SLC17A8: variants seen among roughly 807,000 people sequenced by gnomAD.
SLC17A8 encodes the protein solute carrier family 17 member 8.
SLC17A8 carries 31 observed loss-of-function variants against 58.0 expected under a neutral mutation model. The ratio of observed to expected loss-of-function variants is 0.53; its 90% confidence interval spans 0.40 to 0.72. SLC17A8 has a LOEUF of 0.72. Ranked by LOEUF, SLC17A8 falls within the 30% of genes least tolerant of loss-of-function variation. The pLI, the probability that SLC17A8 is intolerant of heterozygous loss-of-function variation, is 0.00. For missense variants in SLC17A8, 655 were observed against 727.8 expected (o/e 0.90, Z 1.15); for synonymous variants, 228 against 249.0 (o/e 0.92, Z 0.79).
At chr12:100,387,084 CTTT>C (rs1285089318) in intron 2 of SLC17A8, among the ~76,000 whole-genome samples, 2 of 152,176 alleles carry the variant, frequency 1.3e-5, no homozygotes, top group Non-Finnish European at 2.9e-5. Context: ...GTACTAATAT[CTTT>C]TTGGATCATG....
chr12:100,418,078 C>T lies in SLC17A8; in HGVS notation c.1347C>T (p.Leu449=). The change falls in exon 11 of 12, where the codon CTC becomes CTT. Residue 449 remains leucine (L), a synonymous_variant. Coordinates refer to ENST00000323346, the MANE Select transcript of SLC17A8 (RefSeq NM_139319.3). ...LDIAPRYASI[L]MGISNGVGTL... ...TTGCCCCACGCTATGCCAGCATTCTCATGGGGATCTCAAACGGAGTGGGAA... is the reference window on the plus strand; with the variant it reads ...TTGCCCCACGCTATGCCAGCATTCTTATGGGGATCTCAAACGGAGTGGGAA... 1.2e-6 allele frequency: 2 copies of T among 1,614,198 alleles called. No individual in the cohort carries two copies. Among genetic ancestry groups the T allele is most frequent in the South Asian group, 1.1e-5 (1 of 91,084 alleles).
intron 5 of SLC17A8, 85 bp downstream of exon 5, chr12:100,396,502 C>T: frequency 9.3e-7 from 1 of 1,070,794 alleles, no homozygotes; most frequent in South Asian, 1.3e-5. Flanking sequence ...AATCTCAGCA[C>T]TTTAGGGAGG....
intron 5 of SLC17A8, among the ~76,000 whole-genome samples, 196 bp downstream of exon 5, chr12:100,396,613 G>T (rs1214691855): frequency 9.9e-5 from 15 of 151,906 alleles, no homozygotes; most frequent in African/African-American, 3.6e-4. Flanking sequence ...AGCCGAGCAT[G>T]GAGGTGTGTG....
rs972003079 is a variant in SLC17A8, at chr12:100,401,979, T to G, written c.763+116T>G. The G allele has an allele frequency of 4.8e-6, 4 of 840,698 alleles. No individual in the cohort carries two copies. In the African/African-American group the frequency reaches 6.7e-5, roughly 14 times the overall value. The allele number at this position is 840,698 out of a possible 1,614,324, so 52.1% of individuals were successfully genotyped here. A position where few individuals can be genotyped will look rare whatever the true frequency, so the allele number is the denominator to read the frequency against. ...ATAGAGATTACTAAAACAAGTTTAT[T>G]GTATAAATGGAATACTTTATCTATG... On this transcript the variant is annotated intron_variant, in intron 6 of 11. Transcript: ENST00000323346.
intron 2 of SLC17A8, among the ~76,000 whole-genome samples, chr12:100,387,777 G>A (rs1952686643): frequency 6.6e-6 from 1 of 152,158 alleles, no homozygotes. Context: ...CCTTTTCCTT[G>A]CAAATAGTTG....
At chr12:100,373,198 T>C (rs1952570225) in intron 1 of SLC17A8, among the ~76,000 whole-genome samples, 1 of 152,106 alleles carries the variant, frequency 6.6e-6, no homozygotes, top group South Asian at 2.1e-4. Context: ...CTAGAAAGAA[T>C]GAAGATTCTC....
chr12:100,381,568 CAGAG>C (rs112159680), intron 2 of SLC17A8, among the ~76,000 whole-genome samples: 16 of 148,998 alleles, frequency 1.1e-4, no homozygotes, highest in East Asian at 7.9e-4. Context: ...AAGAAAGAGA[CAGAG>C]AGAGAGAGAG....
intron 2 of SLC17A8, among the ~76,000 whole-genome samples, chr12:100,384,255 A>G (rs1195360814): frequency 6.6e-6 from 1 of 152,116 alleles, no homozygotes; most frequent in East Asian, 1.9e-4. Context: ...TGTCCTGGTC[A>G]GAGATTGCTG....
rs1487993302 is a variant in SLC17A8 at position 100,407,502 on chromosome 12, AG to A, written c.1186+3334del. On this transcript the variant is annotated intron_variant, in intron 9 of 11. Coordinates refer to ENST00000323346, the MANE Select transcript of SLC17A8 (RefSeq NM_139319.3). ...TAGTTTTTTTTCTGCAGAAACTAGA[AG>A]GCATATGTGGAATCTTTCTGCCTCA... is the stretch of plus-strand genomic sequence containing the variant. Among the ~76,000 whole-genome samples, 4 of 152,154 alleles carry A rather than the reference AG, an allele frequency of 2.6e-5. No individual in the cohort carries two copies. The East Asian group carries it at 7.7e-4, about 29-fold the overall frequency.
intron 5 of SLC17A8, 117 bp downstream of exon 5, chr12:100,396,534 A>C: frequency 1.3e-6 from 1 of 753,310 alleles, no homozygotes; most frequent in Non-Finnish European, 2.3e-6. Flanking sequence ...GGATCCCTGG[A>C]GCCCAGGAGT....
rs556737051 is a variant in SLC17A8 at position 100,383,879 on chromosome 12, A to T, written c.354+2926A>T. Among the ~76,000 whole-genome samples the T allele has an allele frequency of 1.4e-4, 21 of 151,898 alleles. No individual in the cohort carries two copies. The East Asian group carries it at 2.5e-3, about 18-fold the overall frequency. ...CACCATTCTTAGCTAATTAAAAAAA[A>T]TTTTTTTTAGAGATGGGATCATGCC... On this transcript the variant is annotated intron_variant, in intron 2 of 11. Transcript: ENST00000323346.
At chr12:100,395,619 C>T (rs1365962150) in intron 4 of SLC17A8, among the ~76,000 whole-genome samples, 2 of 150,722 alleles carry the variant, frequency 1.3e-5, no homozygotes, top group Admixed American at 6.6e-5. Context: ...GCCACTGTGC[C>T]TGGCCTTTTT....
intron 9 of SLC17A8, among the ~76,000 whole-genome samples, chr12:100,406,780 C>A (rs1170415888): frequency 6.6e-6 from 1 of 152,156 alleles, no homozygotes; most frequent in African/African-American, 2.4e-5. Context: ...AAGTAATCCG[C>A]CCGCCTCGGC....
Position 100,420,158 on chromosome 12 carries a change from A to AATG in SLC17A8, c.1770_*2dup, listed in dbSNP as rs1238492801. On this transcript the variant is annotated inframe_insertion and stop_retained_variant, in exon 12 of 12. Transcript: ENST00000323346. ...GAGAGAAACTTCTCAACTATATCCT[A>AATG]ATGTCTGAGAGGCACTTCTGTCTTC... 3 of 1,608,804 alleles carry AATG rather than the reference A, an allele frequency of 1.9e-6. No homozygotes were observed. The African/African-American group carries it at 4.0e-5, about 22-fold the overall frequency.
At chr12:100,369,656 G>A (rs753445840) in intron 1 of SLC17A8, among the ~76,000 whole-genome samples, 1 of 152,160 alleles carries the variant, frequency 6.6e-6, no homozygotes, top group Non-Finnish European at 1.5e-5. Context: ...CCTAGGAAAA[G>A]TAGGTGTTTT....
At chr12:100,363,893 A>T (rs1952501093) in intron 1 of SLC17A8, among the ~76,000 whole-genome samples, 2 of 151,878 alleles carry the variant, frequency 1.3e-5, no homozygotes. Flanking sequence ...AAATACAAAA[A>T]ATTGCCAGGC....
At chr12:100,364,481 C>A (rs1295115076) in intron 1 of SLC17A8, among the ~76,000 whole-genome samples, 2 of 152,222 alleles carry the variant, frequency 1.3e-5, no homozygotes. Flanking sequence ...GGAGCTCCGA[C>A]ATAGCCTCCA....
At chr12:100,373,266 C>G (rs1000331915) in intron 1 of SLC17A8, among the ~76,000 whole-genome samples, 1 of 152,148 alleles carries the variant, frequency 6.6e-6, no homozygotes, top group African/African-American at 2.4e-5. Context: ...GGATAAATAG[C>G]TATTATGGAT....
At chr12:100,359,360 C>T (rs1952468718) in intron 1 of SLC17A8, among the ~76,000 whole-genome samples, 1 of 152,082 alleles carries the variant, frequency 6.6e-6, no homozygotes, top group Non-Finnish European at 1.5e-5. Context: ...GGAGGAGCTA[C>T]ATGGAGATCT....
Sources: gnomAD v4.1 joint callset for allele counts (sites outside exome capture counted in the v4.1 genomes callset) on GRCh38, gnomAD v4.1.1 for gene constraint, MANE v1.5 for transcripts, NCBI Gene and HGNC (gene_info 2026-07-23, HGNC 2026-07-21) for gene names.